Variants in MUCL1 observed in about 807,000 individuals in gnomAD.
The protein encoded by MUCL1 is mucin-like protein 1.
Under a neutral mutation model 9.2 loss-of-function variants are expected in MUCL1, and 11 were observed. The observed-to-expected ratio is 1.19, with a 90% CI of 0.75 to 1.97. The LOEUF is 1.97. Among genes scored for constraint, MUCL1 ranks in the 30% most tolerant of loss-of-function variants. The pLI, the probability that MUCL1 is intolerant of heterozygous loss-of-function variation, is 0.00. For synonymous variants in MUCL1, 48 were observed against 40.5 expected (o/e 1.19, Z -0.71); for missense variants, 144 against 110.9 (o/e 1.30, Z -1.34).
At chr12:54,836,519 A>G (rs1208481954), upstream of MUCL1, among the ~76,000 whole-genome samples, 1 of 152,014 alleles carries the variant, frequency 6.6e-6, no homozygotes, top group Non-Finnish European at 1.5e-5. Flanking sequence ...AATTGTGTTT[A>G]TCTTGTCAAA....
upstream of MUCL1, among the ~76,000 whole-genome samples, chr12:54,837,557 A>G (rs1959195100): frequency 6.6e-6 from 1 of 152,128 alleles, no homozygotes. Context: ...CAAGGTCAGG[A>G]GATTGAGACC....
At chr12:54,851,906 A>G (rs1052750230), upstream of MUCL1, among the ~76,000 whole-genome samples, 12 of 152,306 alleles carry the variant, frequency 7.9e-5, no homozygotes, top group African/African-American at 2.6e-4. Flanking sequence ...CCCATTCCCA[A>G]TTGCTTCAAA....
chr12:54,837,071 TG>T (rs1416066118), upstream of MUCL1, among the ~76,000 whole-genome samples: 11 of 152,218 alleles, frequency 7.2e-5, no homozygotes, highest in Admixed American at 2.0e-4. Context: ...TTGAGTAGAA[TG>T]TTCTGTAAAT....
At chr12:54,836,948 CTT>C (rs1299292231), upstream of MUCL1, among the ~76,000 whole-genome samples, 25 of 152,214 alleles carry the variant, frequency 1.6e-4, no homozygotes, top group African/African-American at 5.8e-4. Flanking sequence ...TGAGAAAACA[CTT>C]GATATAATTT....
upstream of MUCL1, among the ~76,000 whole-genome samples, chr12:54,852,597 A>G (rs185900936): frequency 4.9e-3 from 751 of 152,298 alleles, 5 homozygotes; most frequent in African/African-American, 0.017. Flanking sequence ...TGATCTCTTA[A>G]GGGGACCCTA....
At chr12:54,838,631 T>G (rs988971776), upstream of MUCL1, among the ~76,000 whole-genome samples, 2 of 152,152 alleles carry the variant, frequency 1.3e-5, no homozygotes, top group Non-Finnish European at 2.9e-5. Flanking sequence ...TTCTTTTATT[T>G]TTTTTCTTTA....
chr12:54,844,169 C>G (rs1002957964), intron 1 of MUCL1, among the ~76,000 whole-genome samples: 1 of 152,112 alleles, frequency 6.6e-6, no homozygotes, highest in African/African-American at 2.4e-5. Flanking sequence ...ATTTGGGAAG[C>G]ATTTTGATAA....
At chr12:54,847,982 C>A (rs1190541403) in intron 1 of MUCL1, among the ~76,000 whole-genome samples, 1 of 151,862 alleles carries the variant, frequency 6.6e-6, no homozygotes, top group East Asian at 1.9e-4. Context: ...ACAGCAAATC[C>A]TGTTTCATCT....
At chr12:54,832,779 A>C (rs10783676) in intron 1 of MUCL1, among the ~76,000 whole-genome samples, 79,381 of 151,798 alleles carry the variant, frequency 0.52, 21,215 homozygotes, top group East Asian at 0.86. Context: ...TGTTAAGCTG[A>C]ATGGAAATGT....
chr12:54,841,292 T>C (rs1382119517), intron 1 of MUCL1, among the ~76,000 whole-genome samples: 2 of 152,224 alleles, frequency 1.3e-5, no homozygotes, highest in Non-Finnish European at 2.9e-5. Context: ...TGTAGAACGA[T>C]GCTGCAATCA....
chr12:54,854,772 A>T (rs1868287009), intron 1 of MUCL1, 132 bp downstream of exon 1: 2 of 748,902 alleles, frequency 2.7e-6, no homozygotes, highest in Admixed American at 2.7e-5. Context: ...CACCATTTTG[A>T]CTGACCGTTC....
upstream of MUCL1, chr12:54,839,356 C>G (rs1241730286): frequency 1.4e-6 from 1 of 700,846 alleles, no homozygotes; most frequent in Non-Finnish European, 2.6e-6. Flanking sequence ...TTAATTTTCT[C>G]CCTCAGTATT....
upstream of MUCL1, among the ~76,000 whole-genome samples, chr12:54,852,779 G>C (rs1057086894): frequency 1.3e-5 from 2 of 152,182 alleles, no homozygotes; most frequent in Admixed American, 6.5e-5. Flanking sequence ...AAAGGTGACT[G>C]TAGGGCTTAT....
chr12:54,837,755 T>C (rs10876626), upstream of MUCL1, among the ~76,000 whole-genome samples: 77,993 of 151,384 alleles, frequency 0.52, 20,459 homozygotes, highest in East Asian at 0.86. Context: ...GGTGACAGAG[T>C]GAGACTCCGT....
intron 1 of MUCL1, among the ~76,000 whole-genome samples, chr12:54,832,652 G>A (rs983367355): frequency 1.3e-5 from 2 of 151,978 alleles, no homozygotes; most frequent in African/African-American, 4.8e-5. Flanking sequence ...TGCTTTATGA[G>A]GTCTTTTTGA....
At chr12:54,842,142 C>T (rs1321704903) in intron 1 of MUCL1, among the ~76,000 whole-genome samples, 1 of 151,960 alleles carries the variant, frequency 6.6e-6, no homozygotes, top group Non-Finnish European at 1.5e-5. Context: ...ATTGAGTTTT[C>T]CTGTTCATTT....
rs141064259 is a variant in MUCL1 at position 54,855,638 on chromosome 12, T to TA, written c.100+482dup. Among the ~76,000 whole-genome samples, 336 of 152,338 alleles carry TA rather than the reference T, an allele frequency of 2.2e-3. 2 individuals are homozygous for TA. Among genetic ancestry groups the TA allele is most frequent in the African/African-American group, 7.9e-3 (330 of 41,584 alleles). On this transcript the variant is annotated intron_variant, in intron 2 of 3. Transcript: ENST00000308796. ...CTAAGCTTTACTCTTTGTAATGGTC[T>TA]ATATTCCTTATTCCCAGGCTGATGT...
chr12:54,858,059 A>T, intron 3 of MUCL1, 134 bp from the exon 4 acceptor site: 1 of 1,067,138 alleles, frequency 9.4e-7, no homozygotes, highest in Non-Finnish European at 1.4e-6. Flanking sequence ...CCGTAATAAC[A>T]ATCCCATGTT....
upstream of MUCL1, among the ~76,000 whole-genome samples, chr12:54,837,973 T>C (rs1038603173): frequency 6.6e-6 from 1 of 152,214 alleles, no homozygotes; most frequent in Admixed American, 6.5e-5. Context: ...AGTCATCATA[T>C]TGATTGTTAC....
Sources: gnomAD v4.1 joint callset for allele counts (sites outside exome capture counted in the v4.1 genomes callset) on GRCh38, gnomAD v4.1.1 for gene constraint, MANE v1.5 for transcripts, NCBI Gene and HGNC (gene_info 2026-07-23, HGNC 2026-07-21) for gene names.